ETFDH: variants seen among roughly 807,000 people sequenced by gnomAD.
ETFDH encodes electron transfer flavoprotein dehydrogenase.
ETFDH carries 61 observed loss-of-function variants against 73.2 expected under a neutral mutation model. The ratio of observed to expected loss-of-function variants is 0.83; its 90% CI spans 0.68 to 1.03. ETFDH has a LOEUF of 1.03. Among genes scored for constraint, ETFDH ranks in the 50% least tolerant of loss-of-function variants. The pLI, the probability that ETFDH is intolerant of heterozygous loss-of-function variation, is 0.00. For synonymous variants in ETFDH, 243 were observed against 253.3 expected (o/e 0.96, Z 0.39); for missense variants, 685 against 745.0 (o/e 0.92, Z 0.94).
At chr4:158,686,849 G>C (rs369998530) in intron 5 of ETFDH, among the ~76,000 whole-genome samples, 1 of 152,172 alleles carries the variant, frequency 6.6e-6, no homozygotes, top group Admixed American at 6.5e-5. Flanking sequence ...CTCACCCTCT[G>C]AAGGTTCATA....
chr4:158,695,652 GTT>G lies in ETFDH; in HGVS notation c.831+11_831+12del. ...GGATTGGACTGAAGGAGGTATCCTG[GTT>G]TGTTTCTGTAATTTTAATTTTGAAA... On this transcript the variant is annotated intron_variant, in intron 7 of 12. Coordinates refer to ENST00000511912, the MANE Select transcript of ETFDH (RefSeq NM_004453.4). 2 of 1,595,072 alleles carry G rather than the reference GTT, an allele frequency of 1.3e-6. No individual in the cohort carries two copies. Among genetic ancestry groups the G allele is most frequent in the Non-Finnish European group, 1.7e-6 (2 of 1,163,054 alleles).
intron 12 of ETFDH, among the ~76,000 whole-genome samples, chr4:158,707,403 A>C (rs188981979): frequency 3.7e-4 from 56 of 152,350 alleles, no homozygotes; most frequent in Non-Finnish European, 1.0e-4. Context: ...TTGTCATTAC[A>C]GTGGGTTGAA....
At chr4:158,684,272 C>T (rs774440193) in intron 3 of ETFDH, among the ~76,000 whole-genome samples, 120 of 152,120 alleles carry the variant, frequency 7.9e-4, no homozygotes, top group Middle Eastern at 3.4e-3. Context: ...TGCCTATAAG[C>T]CCAGCCACTT....
chr4:158,693,965 G>GT (rs1027089654), intron 6 of ETFDH, among the ~76,000 whole-genome samples: 4 of 152,012 alleles, frequency 2.6e-5, no homozygotes, highest in African/African-American at 9.7e-5. Flanking sequence ...ACTTAAATAT[G>GT]TTTTTTTCAG....
chr4:158,697,531 CT>C (rs763367762), intron 7 of ETFDH, 27 bp from the exon 8 acceptor site: 39 of 1,593,784 alleles, frequency 2.4e-5, no homozygotes, highest in Non-Finnish European at 3.3e-5. Flanking sequence ...TACTGCAGGA[CT>C]TTTTTGTTTG....
At chr4:158,685,961 G>A (rs1332219674) in intron 5 of ETFDH, among the ~76,000 whole-genome samples, 1 of 152,222 alleles carries the variant, frequency 6.6e-6, no homozygotes, top group Non-Finnish European at 1.5e-5. Flanking sequence ...ATGAAAAAGT[G>A]TTTGTCTAGG....
rs184996971 is a variant in ETFDH, at chr4:158,688,689, A to G, written c.607-1659A>G. Among the ~76,000 whole-genome samples the G allele has an allele frequency of 1.6e-3, 250 of 152,312 alleles. No individual in the cohort carries two copies. In the Middle Eastern group the frequency reaches 0.024, roughly 15 times the overall value. On this transcript the variant is annotated intron_variant, in intron 5 of 12. Transcript: ENST00000511912. The stretch of plus-strand genomic sequence containing the variant: ...GTCCATCTCAAAAAAACAAAAAAAA[A>G]GAACGAAACAGTTTTATTCTTGAAT...
At chr4:158,700,578 A>ACACACACG (rs1774436187) in intron 9 of ETFDH, 1 of 74,834 alleles carries the variant, frequency 1.3e-5, no homozygotes, top group Non-Finnish European at 3.2e-5. Context: ...ACACGCACAC[A>ACACACACG]CACACACACA....
chr4:158,688,546 A>T lies in ETFDH; in HGVS notation c.607-1802A>T, dbSNP rs4516669. Among the ~76,000 whole-genome samples, 738 of 151,708 alleles carry T rather than the reference A, an allele frequency of 4.9e-3. 7 individuals carry two copies. The highest frequency in any genetic ancestry group is 0.017 in the African/African-American group (702 of 41,162). On this transcript the variant is annotated intron_variant, in intron 5 of 12. Transcript: ENST00000511912. ...AGATTAGCTGGGCGTGGTGGTGGGCACCTGTAGTCCCAGCTACTTGGGAGG... is the reference window on the plus strand; with the variant it reads ...AGATTAGCTGGGCGTGGTGGTGGGCTCCTGTAGTCCCAGCTACTTGGGAGG...
rs565218376 is a variant in ETFDH at position 158,697,953 on chromosome 4, A to G, written c.972+254A>G. ...CTGAGATTTCTAAGTAAGTTTCATA[A>G]TAACTGTGAAATAGGTATATCTTTA... On this transcript the variant is annotated intron_variant, in intron 8 of 12. Coordinates refer to ENST00000511912, the MANE Select transcript of ETFDH (RefSeq NM_004453.4). Among the ~76,000 whole-genome samples, 225 of 152,340 alleles carry G rather than the reference A, an allele frequency of 1.5e-3. No homozygotes were observed. Among genetic ancestry groups the G allele is most frequent in the Non-Finnish European group, 2.4e-3 (160 of 68,024 alleles).
At chr4:158,692,563 T>G (rs1234994226) in intron 6 of ETFDH, among the ~76,000 whole-genome samples, 1 of 152,040 alleles carries the variant, frequency 6.6e-6, no homozygotes, top group Middle Eastern at 3.2e-3. Flanking sequence ...TTCCGATGCA[T>G]AGCCAGGTTT....
chr4:158,691,014 C>G (rs1229369362), intron 6 of ETFDH, among the ~76,000 whole-genome samples: 4 of 152,024 alleles, frequency 2.6e-5, no homozygotes, highest in African/African-American at 7.2e-5. Flanking sequence ...ATGGTTTAGG[C>G]AAGTAGTTAT....
chr4:158,697,207 G>T (rs969488618), intron 7 of ETFDH, among the ~76,000 whole-genome samples: 1 of 151,806 alleles, frequency 6.6e-6, no homozygotes, highest in Admixed American at 6.6e-5. Flanking sequence ...CAATTCTCAC[G>T]CCTCAGCCTC....
intron 4 of ETFDH, chr4:158,684,893 A>G: frequency 1.6e-6 from 1 of 617,834 alleles, no homozygotes. Flanking sequence ...TAAGCCAAGC[A>G]GGAATTTCTA....
chr4:158,686,588 T>G (rs1187037053), intron 5 of ETFDH, among the ~76,000 whole-genome samples: 3 of 151,924 alleles, frequency 2.0e-5, no homozygotes, highest in Admixed American at 2.0e-4. Flanking sequence ...TCCTCTGGAG[T>G]GAGAGTTTTC....
chr4:158,696,807 C>A (rs940497444), intron 7 of ETFDH, among the ~76,000 whole-genome samples: 1 of 152,122 alleles, frequency 6.6e-6, no homozygotes, highest in South Asian at 2.1e-4. Flanking sequence ...TATGAAGAGA[C>A]CTTAAGTGTA....
At chr4:158,675,922 A>G (rs1773700534) in intron 1 of ETFDH, among the ~76,000 whole-genome samples, 1 of 152,166 alleles carries the variant, frequency 6.6e-6, no homozygotes, top group Non-Finnish European at 1.5e-5. Flanking sequence ...TTTCAAAGAG[A>G]CTGCATCATT....
chr4:158,674,396 C>T (rs1773662909), intron 1 of ETFDH, among the ~76,000 whole-genome samples: 1 of 152,206 alleles, frequency 6.6e-6, no homozygotes, highest in Non-Finnish European at 1.5e-5. Context: ...ACCTCTGCCT[C>T]CCGGGTTCAA....
rs187844784 is a variant in ETFDH, at chr4:158,703,922, C to A, written c.1285+331C>A. On this transcript the variant is annotated intron_variant, in intron 10 of 12. Transcript: ENST00000511912. ...GACTAGCCTGGCCCACATGGTGAAA[C>A]CCCGTCTCTACTAAAAATACAAAAA... Among the ~76,000 whole-genome samples the A allele has an allele frequency of 3.7e-4, 57 of 152,226 alleles. 1 individual carries two copies. In the East Asian group the frequency reaches 4.4e-3, roughly 12 times the overall value.
Sources: allele counts gnomAD v4.1 joint callset (sites outside exome capture counted in the v4.1 genomes callset), GRCh38; gene constraint gnomAD v4.1.1; transcripts MANE v1.5; gene names NCBI Gene and HGNC (gene_info 2026-07-23, HGNC 2026-07-21).